The following OSBP variants were observed in gnomAD, a reference collection of about 807,000 sequenced individuals.
The protein encoded by OSBP is oxysterol binding protein, also known as oxysterol-binding protein 1.
A neutral mutation model predicts 96.6 loss-of-function variants in OSBP; 32 were observed. The ratio of observed to expected loss-of-function variants is 0.33; its 90% CI spans 0.25 to 0.45. The LOEUF is 0.45. OSBP is among the 20% of genes least tolerant of loss of function. The pLI is 1.00. For synonymous variants in OSBP, 369 were observed against 389.6 expected (o/e 0.95, Z 0.62); for missense variants, 653 against 1,029.7 (o/e 0.63, Z 5.01).
At position 59,577,029 on chromosome 11, in the gene OSBP, A is replaced by C. The variant is rs199953477; in HGVS notation, c.2061-4T>G. On this transcript the variant is annotated splice_region_variant and splice_polypyrimidine_tract_variant and intron_variant, in intron 12 of 13. Coordinates refer to ENST00000263847, the MANE Select transcript of OSBP (RefSeq NM_002556.3). Reference sequence around the variant, plus strand: ...GTACATGTTTTCTGCATTCTTCCTAAAAGTAGAAGACAAGAAAAAGAAATG... The same window carrying C: ...GTACATGTTTTCTGCATTCTTCCTACAAGTAGAAGACAAGAAAAAGAAATG... 3.6e-5 allele frequency: 58 copies of C among 1,608,836 alleles called. No homozygotes were observed. The African/African-American group carries it at 6.4e-4, about 18-fold the overall frequency.
intron 1 of OSBP, among the ~76,000 whole-genome samples, chr11:59,612,005 G>C (rs1421050546): frequency 6.6e-6 from 1 of 152,208 alleles, no homozygotes; most frequent in Non-Finnish European, 1.5e-5. Flanking sequence ...GGAACACAGA[G>C]GTCAAAGTCC....
chr11:59,615,512 G>T lies in OSBP; in HGVS notation c.153C>A (p.Val51=). The T allele has an allele frequency of 8.1e-7, 1 of 1,229,110 alleles. No individual in the cohort carries two copies. Among genetic ancestry groups the T allele is most frequent in the South Asian group, 3.3e-5 (1 of 30,724 alleles). The allele number at this position is 1,229,110 out of a possible 1,614,324, so 76.1% of individuals were successfully genotyped here. ...PGSGAASGTV[V]AAAAGGPGPG... is the part of the protein sequence containing the mutation. ...GGCCCGGGCCTCCCGCCGCCGCCGC[G>T]ACCACCGTCCCTGACGCGGCCCCGG... is the stretch of plus-strand genomic sequence containing the variant. Residue 51 remains valine (V), a synonymous_variant, in exon 1 of 14, where the codon GTC becomes GTA. Coordinates refer to ENST00000263847, the MANE Select transcript of OSBP (RefSeq NM_002556.3).
intron 3 of OSBP, among the ~76,000 whole-genome samples, chr11:59,603,102 C>A (rs1860741758): frequency 2.0e-5 from 3 of 152,226 alleles, no homozygotes; most frequent in African/African-American, 7.2e-5. Context: ...TCTACATTTC[C>A]ACTGCATTTT....
At chr11:59,583,037 G>A (rs1221635660) in intron 9 of OSBP, among the ~76,000 whole-genome samples, 2 of 152,122 alleles carry the variant, frequency 1.3e-5, no homozygotes, top group East Asian at 1.9e-4. Flanking sequence ...CAGGCCAGGT[G>A]GGGTGGCTCA....
chr11:59,615,186 C>A lies in OSBP; in HGVS notation c.362+117G>T. 6.2e-6 allele frequency: 5 copies of A among 807,972 alleles called. No homozygotes were observed. The South Asian group carries it at 7.5e-5, about 12-fold the overall frequency. 50.1% of individuals were successfully genotyped at this position (807,972 alleles called of 1,614,324 possible). On this transcript the variant is annotated intron_variant, in intron 1 of 13. Transcript: ENST00000263847. ...CTGGGCTGTCAATCCGCACAGATGACGAAAAGGGGCCTGGGGCAACCCTGG... is the reference window on the plus strand; with the variant it reads ...CTGGGCTGTCAATCCGCACAGATGAAGAAAAGGGGCCTGGGGCAACCCTGG...
intron 1 of OSBP, among the ~76,000 whole-genome samples, chr11:59,614,331 T>C (rs1860893453): frequency 6.6e-6 from 1 of 152,190 alleles, no homozygotes; most frequent in Non-Finnish European, 1.5e-5. Flanking sequence ...CCTAGGGTTG[T>C]TGTTGGGAGT....
chr11:59,597,558 T>C (rs1860674469), intron 7 of OSBP, among the ~76,000 whole-genome samples: 1 of 151,474 alleles, frequency 6.6e-6, no homozygotes, highest in South Asian at 2.1e-4. Context: ...TTTTTTTCTT[T>C]TGAGACAGGG....
chr11:59,603,686 G>T (rs117869434), intron 3 of OSBP, among the ~76,000 whole-genome samples: 5,685 of 152,022 alleles, frequency 0.037, 144 homozygotes, highest in Non-Finnish European at 0.043. Flanking sequence ...ACAGGCATGA[G>T]CCACAATGCC....
intron 9 of OSBP, among the ~76,000 whole-genome samples, chr11:59,586,199 A>G (rs894070428): frequency 2.0e-5 from 3 of 151,880 alleles, no homozygotes; most frequent in Non-Finnish European, 2.9e-5. Context: ...AAAGAAAAAA[A>G]AAAGAATTCA....
chr11:59,585,321 G>C (rs1220334409), intron 9 of OSBP, among the ~76,000 whole-genome samples: 1 of 150,810 alleles, frequency 6.6e-6, no homozygotes, highest in Non-Finnish European at 1.5e-5. Context: ...GCCTCTGCCC[G>C]GCCGCGACCC....
chr11:59,585,516 A>G (rs572368), intron 9 of OSBP, among the ~76,000 whole-genome samples: 25,471 of 148,894 alleles, frequency 0.17, 3,928 homozygotes, highest in African/African-American at 0.41. Flanking sequence ...CTCTCCGCCC[A>G]GCAGCCACCC....
chr11:59,613,653 T>C (rs1400760948), intron 1 of OSBP, among the ~76,000 whole-genome samples: 1 of 152,188 alleles, frequency 6.6e-6, no homozygotes, highest in East Asian at 1.9e-4. Context: ...GAAATTAAAA[T>C]TTTAGATTTG....
chr11:59,579,515 T>G (rs1024752884), intron 11 of OSBP, among the ~76,000 whole-genome samples: 8 of 151,716 alleles, frequency 5.3e-5, no homozygotes, highest in African/African-American at 1.9e-4. Flanking sequence ...GTATTTTTCG[T>G]GGAGACAGGG....
chr11:59,588,936 G>A (rs572039939), intron 9 of OSBP, among the ~76,000 whole-genome samples: 16 of 151,462 alleles, frequency 1.1e-4, no homozygotes, highest in African/African-American at 3.4e-4. Flanking sequence ...ACCCAGGAGC[G>A]GGAGGTTGCA....
chr11:59,585,528 G>A (rs868571239), intron 9 of OSBP, among the ~76,000 whole-genome samples: 14 of 150,570 alleles, frequency 9.3e-5, no homozygotes, highest in East Asian at 4.0e-4. Flanking sequence ...CAGCCACCCC[G>A]TCCGGGAGGG....
chr11:59,596,112 T>C (rs17153966), intron 7 of OSBP, among the ~76,000 whole-genome samples: 8,103 of 151,722 alleles, frequency 0.053, 467 homozygotes, highest in Admixed American at 0.13. Context: ...CTTTGAGAAA[T>C]AGGACCCACC....
chr11:59,613,112 C>T (rs767970059), intron 1 of OSBP, among the ~76,000 whole-genome samples: 6 of 152,126 alleles, frequency 3.9e-5, no homozygotes, highest in Non-Finnish European at 7.4e-5. Flanking sequence ...CCAGAAGAAT[C>T]CTGCAGGAAA....
chr11:59,604,582 G>T (rs923532120), intron 3 of OSBP, among the ~76,000 whole-genome samples: 2 of 151,974 alleles, frequency 1.3e-5, no homozygotes, highest in Non-Finnish European at 2.9e-5. Flanking sequence ...TGCGCCTGTA[G>T]TCCCAGCTAC....
At chr11:59,591,775 C>G (rs1860585392) in intron 9 of OSBP, among the ~76,000 whole-genome samples, 1 of 152,112 alleles carries the variant, frequency 6.6e-6, no homozygotes, top group African/African-American at 2.4e-5. Context: ...CACCCACCAC[C>G]ACGCCTGGCT....
Sources: allele counts gnomAD v4.1 joint callset (sites outside exome capture counted in the v4.1 genomes callset), GRCh38; gene constraint gnomAD v4.1.1; transcripts MANE v1.5; gene names NCBI Gene and HGNC (gene_info 2026-07-23, HGNC 2026-07-21).